Variants in ANKAR observed in about 807,000 individuals in gnomAD.
The protein encoded by ANKAR is ankyrin and armadillo repeat containing, also known as ankyrin and armadillo repeat-containing protein.
Under a neutral mutation model 146.2 loss-of-function variants are expected in ANKAR, and 136 were observed. The observed-to-expected ratio is 0.93, with a 90% CI of 0.81 to 1.07. The LOEUF (loss-of-function observed/expected upper bound fraction) is 1.07. Among genes scored for constraint, ANKAR ranks in the 50% least tolerant of loss-of-function variants. The pLI, the probability that ANKAR is intolerant of heterozygous loss-of-function variation, is 0.00. For synonymous variants in ANKAR, 500 were observed against 575.8 expected (o/e 0.87, Z 1.88); for missense variants, 1,567 against 1,679.9 (o/e 0.93, Z 1.18).
At chr2:189,740,235 T>G (rs1171325544) in intron 19 of ANKAR, among the ~76,000 whole-genome samples, 1 of 152,250 alleles carries the variant, frequency 6.6e-6, no homozygotes, top group Non-Finnish European at 1.5e-5. Flanking sequence ...TTCTCTTTCT[T>G]AGCTGCTCCC....
intron 18 of ANKAR, among the ~76,000 whole-genome samples, chr2:189,760,233 G>A (rs190401039): frequency 0.011 from 1,737 of 152,104 alleles, 14 homozygotes; most frequent in South Asian, 0.022. Flanking sequence ...CGACAAAACC[G>A]CCATTGTCAT....
At chr2:189,712,626 A>G (rs1169218115) in intron 10 of ANKAR, among the ~76,000 whole-genome samples, 1 of 152,258 alleles carries the variant, frequency 6.6e-6, no homozygotes, top group Non-Finnish European at 1.5e-5. Context: ...GGTCACCAAC[A>G]TCAAAGACCA....
chr2:189,694,856 A>T (rs1453593505), intron 5 of ANKAR, 125 bp from the exon 6 acceptor site: 2 of 557,882 alleles, frequency 3.6e-6, no homozygotes, highest in Admixed American at 7.0e-5. Flanking sequence ...ACAGTTGACT[A>T]CAATTTAAAC....
chr2:189,691,322 C>T (rs369366935), intron 3 of ANKAR, among the ~76,000 whole-genome samples: 2 of 152,218 alleles, frequency 1.3e-5, no homozygotes, highest in African/African-American at 4.8e-5. Flanking sequence ...TCCCAGAGTG[C>T]TGGGATTACA....
chr2:189,755,115 T>C, intron 18 of ANKAR: 1 of 1,560,884 alleles, frequency 6.4e-7, no homozygotes, highest in African/African-American at 1.4e-5. Flanking sequence ...CATCTATTGC[T>C]ACTTAGTTGA....
intron 18 of ANKAR, among the ~76,000 whole-genome samples, chr2:189,738,301 C>A (rs1203276381): frequency 2.0e-5 from 3 of 151,944 alleles, no homozygotes; most frequent in African/African-American, 4.8e-5. Flanking sequence ...GAAGTAATTT[C>A]TATGAACCCA....
chr2:189,753,782 C>G, intron 18 of ANKAR: 1 of 970,756 alleles, frequency 1.0e-6, no homozygotes, highest in Non-Finnish European at 1.5e-6. Flanking sequence ...CTTTCCTATC[C>G]TGCATAATTT....
At chr2:189,737,556 G>A in intron 17 of ANKAR, 127 bp from the exon 18 acceptor site, 1 of 777,962 alleles carries the variant, frequency 1.3e-6, no homozygotes, top group Non-Finnish European at 1.9e-6. Context: ...CTTTTCCCTA[G>A]TAATGTCATA....
At chr2:189,743,226 T>C (rs540271036) in intron 20 of ANKAR, 49 bp from the exon 21 acceptor site, 69 of 1,560,518 alleles carry the variant, frequency 4.4e-5, no homozygotes, top group African/African-American at 6.8e-5. Flanking sequence ...CATTAAGATA[T>C]TTTAAGAACA....
At chr2:189,684,305 C>T (rs1323168021) in intron 2 of ANKAR, among the ~76,000 whole-genome samples, 7 of 151,970 alleles carry the variant, frequency 4.6e-5, no homozygotes, top group African/African-American at 1.7e-4. Context: ...GTTATTGCTA[C>T]TCATTTTTTG....
chr2:189,730,022 C>T (rs903734243), intron 15 of ANKAR, among the ~76,000 whole-genome samples: 39 of 150,210 alleles, frequency 2.6e-4, no homozygotes, highest in Admixed American at 2.1e-3. Flanking sequence ...TGAGTTTAGG[C>T]CTGCAATTTA....
chr2:189,710,694 A>G (rs1288007784), intron 9 of ANKAR, among the ~76,000 whole-genome samples: 2 of 152,188 alleles, frequency 1.3e-5, no homozygotes, highest in Non-Finnish European at 2.9e-5. Flanking sequence ...CTCAGCTACT[A>G]GGAAGGCTGA....
chr2:189,720,259 T>C (rs1008570971), intron 11 of ANKAR, among the ~76,000 whole-genome samples: 2 of 150,218 alleles, frequency 1.3e-5, no homozygotes, highest in Non-Finnish European at 3.0e-5. Flanking sequence ...CTTTTTTTCT[T>C]TTTTTTTTTG....
In ANKAR at chr2:189,719,598, T is replaced by C. The variant is rs776540372; in HGVS notation, c.2251T>C (p.Leu751=). ...CACCATTCCTGCCTTAATCAATCTA[T>C]TAAAAAGTTCCAAAATAAAACTGCA... ...AGTIPALINL[L]KSSKIKLQCK... is the part of the protein sequence containing the mutation. The change falls in exon 11 of 23, where the codon TTA becomes CTA. Residue 751 remains leucine (L), a synonymous_variant. Transcript: ENST00000684021. 3 of 1,612,866 alleles carry C rather than the reference T, an allele frequency of 1.9e-6. No homozygotes were observed. The East Asian group carries it at 6.7e-5, about 36-fold the overall frequency.
In ANKAR at chr2:189,742,865, GACACAC is replaced by G. The variant is rs58780931; in HGVS notation, c.3811-387_3811-382del. On this transcript the variant is annotated intron_variant, in intron 20 of 22. Transcript: ENST00000684021. Reference sequence around the variant, plus strand: ...ACACACACACACATTAGAATTACCTGACACACACACACACACACACACACACACTAG... The same window carrying G: ...ACACACACACACATTAGAATTACCTGACACACACACACACACACACACTAG... Among the ~76,000 whole-genome samples, 38 of 43,028 alleles carry G rather than the reference GACACAC, an allele frequency of 8.8e-4. 1 individual carries two copies. The highest frequency in any genetic ancestry group is 1.9e-3 in the African/African-American group (34 of 18,142). The allele number at this position is 43,028 out of a possible 152,430, so 28.2% of individuals were successfully genotyped here. A position where few individuals can be genotyped will look rare whatever the true frequency, so the allele number is the denominator to read the frequency against.
chr2:189,720,572 A>G (rs2041127997), intron 11 of ANKAR, 47 bp from the exon 12 acceptor site: 1 of 1,255,128 alleles, frequency 8.0e-7, no homozygotes, highest in East Asian at 2.9e-5. Flanking sequence ...TAAAGATTAC[A>G]TTTATCTTAA....
chr2:189,730,986 T>C (rs1328741810), intron 16 of ANKAR, among the ~76,000 whole-genome samples: 1 of 152,226 alleles, frequency 6.6e-6, no homozygotes, highest in Non-Finnish European at 1.5e-5. Context: ...GTGTGACTTA[T>C]ATGGGAATAT....
intron 10 of ANKAR, among the ~76,000 whole-genome samples, chr2:189,719,164 A>G: frequency 6.6e-6 from 1 of 152,384 alleles, no homozygotes; most frequent in East Asian, 1.9e-4. Context: ...AAATAAGGAT[A>G]AAATATAATA....
intron 2 of ANKAR, among the ~76,000 whole-genome samples, chr2:189,688,489 A>G (rs143574783): frequency 1.3e-5 from 2 of 152,168 alleles, no homozygotes; most frequent in East Asian, 3.9e-4. Flanking sequence ...TTCTATTTCT[A>G]TGAAGAACAG....
Sources: gnomAD v4.1 joint callset for allele counts (sites outside exome capture counted in the v4.1 genomes callset) on GRCh38, gnomAD v4.1.1 for gene constraint, MANE v1.5 for transcripts, NCBI Gene and HGNC (gene_info 2026-07-23, HGNC 2026-07-21) for gene names.